Variants in CERS5 observed in about 807,000 individuals in gnomAD.
CERS5 encodes LAG1 homolog, ceramide synthase 5.
CERS5 carries 37 observed loss-of-function variants against 58.9 expected under a neutral mutation model. The observed-to-expected ratio is 0.63, with a 90% CI of 0.48 to 0.83. CERS5 has a LOEUF of 0.83. CERS5 is among the 40% of genes least tolerant of loss of function. CERS5 has a pLI of 0.00. For synonymous variants in CERS5, 147 were observed against 177.8 expected (o/e 0.83, Z 1.38); for missense variants, 398 against 489.3 (o/e 0.81, Z 1.76).
chr12:50,148,531 A>G, intron 1 of CERS5: 1 of 337,456 alleles, frequency 3.0e-6, no homozygotes, highest in East Asian at 1.3e-4. Context: ...CGGGAGACAG[A>G]GGTTGCAGTG....
At chr12:50,154,828 C>T (rs954103750) in intron 1 of CERS5, among the ~76,000 whole-genome samples, 1 of 151,820 alleles carries the variant, frequency 6.6e-6, no homozygotes, top group South Asian at 2.1e-4. Flanking sequence ...CTGCACCTGG[C>T]CTGTTGTTAT....
At chr12:50,154,149 T>C (rs1210458167) in intron 1 of CERS5, 1 of 276,352 alleles carries the variant, frequency 3.6e-6, no homozygotes, top group Non-Finnish European at 7.3e-6. Context: ...GGTCAAGAGA[T>C]CTAGACCATC....
chr12:50,157,385 C>A (rs115796739), intron 1 of CERS5, among the ~76,000 whole-genome samples: 3,011 of 150,568 alleles, frequency 0.02, 101 homozygotes, highest in African/African-American at 0.069. Context: ...GAAAAAAAAA[C>A]AGTAATTACT....
intron 1 of CERS5, among the ~76,000 whole-genome samples, chr12:50,164,773 G>A (rs1275173572): frequency 2.6e-5 from 4 of 152,150 alleles, no homozygotes; most frequent in African/African-American, 9.7e-5. Flanking sequence ...TATGTCTTCA[G>A]CCATCTGAGG....
At chr12:50,149,757 CAG>C (rs1937736539) in intron 1 of CERS5, among the ~76,000 whole-genome samples, 1 of 152,120 alleles carries the variant, frequency 6.6e-6, no homozygotes, top group Admixed American at 6.6e-5. Context: ...TATTTAGAGA[CAG>C]AGTCTCGCTC....
intron 3 of CERS5, among the ~76,000 whole-genome samples, chr12:50,142,459 A>G (rs997151548): frequency 2.0e-5 from 3 of 151,070 alleles, no homozygotes; most frequent in African/African-American, 7.3e-5. Flanking sequence ...CTGAGGCAGG[A>G]GAATCGCTTG....
intron 3 of CERS5, among the ~76,000 whole-genome samples, chr12:50,142,548 C>CAAA (rs55654212): frequency 7.8e-4 from 68 of 86,722 alleles, no homozygotes; most frequent in African/African-American, 2.4e-3. Flanking sequence ...GACTCCGTCT[C>CAAA]AAAAAAAAAA....
chr12:50,167,102 G>T lies in CERS5; in HGVS notation c.196C>A (p.Arg66=). The part of the protein sequence containing the change: ...GIFFVRLLFE[R]FIAKPCALCI... ...AGCCGCTCGCTCCCGGGCTCTCACC[G>T]CTCGAAGAGCAGCCTCACGAAGAAG... The change falls in exon 1 of 10, where the codon CGA becomes AGA. Residue 66 remains arginine (R), a splice_region_variant and synonymous_variant. Coordinates refer to ENST00000317551, the MANE Select transcript of CERS5 (RefSeq NM_147190.5). The T allele has an allele frequency of 6.5e-7, 1 of 1,533,406 alleles. No individual in the cohort carries two copies. Among genetic ancestry groups the T allele is most frequent in the African/African-American group, 1.4e-5 (1 of 71,066 alleles). The allele number at this position is 1,533,406 out of a possible 1,614,324, so 95.0% of individuals were successfully genotyped here. A position where few individuals can be genotyped will look rare whatever the true frequency, so the allele number is the denominator to read the frequency against.
At chr12:50,157,502 C>T (rs1391785282) in intron 1 of CERS5, among the ~76,000 whole-genome samples, 1 of 151,788 alleles carries the variant, frequency 6.6e-6, no homozygotes, top group African/African-American at 2.4e-5. Context: ...CATTAGATAC[C>T]TACAGTTTCA....
intron 1 of CERS5, chr12:50,153,832 T>C (rs997081529): frequency 4.8e-6 from 2 of 413,160 alleles, no homozygotes; most frequent in Non-Finnish European, 4.8e-6. Flanking sequence ...CGCATACCCA[T>C]AATCCCAGCT....
chr12:50,133,265 G>A, intron 9 of CERS5: 8 of 1,106,098 alleles, frequency 7.2e-6, no homozygotes, highest in Non-Finnish European at 8.9e-6. Context: ...TTGGGATTCT[G>A]TATTCCTTTA....
chr12:50,133,290 G>T (rs1256674644), intron 9 of CERS5: 9 of 1,085,930 alleles, frequency 8.3e-6, no homozygotes, highest in Non-Finnish European at 1.0e-5. Context: ...GAAATCCCTA[G>T]CCCTTTGACT....
chr12:50,146,372 T>C (rs1214342169), intron 1 of CERS5, among the ~76,000 whole-genome samples: 1 of 152,202 alleles, frequency 6.6e-6, no homozygotes, highest in Non-Finnish European at 1.5e-5. Context: ...AAGCAAGAAA[T>C]ACTCTTTGAT....
intron 1 of CERS5, chr12:50,165,681 A>G (rs1939807776): frequency 4.7e-6 from 1 of 212,064 alleles, no homozygotes; most frequent in Non-Finnish European, 9.7e-6. Flanking sequence ...AAGCAATCCC[A>G]AACAGATGCT....
chr12:50,137,675 G>C (rs973884680), intron 6 of CERS5, 53 bp downstream of exon 6: 2 of 981,562 alleles, frequency 2.0e-6, no homozygotes, highest in African/African-American at 3.3e-5. Flanking sequence ...CATGGAAGCT[G>C]CTAGAAAGGA....
intron 4 of CERS5, among the ~76,000 whole-genome samples, chr12:50,139,857 A>C (rs1313630794): frequency 6.6e-6 from 1 of 152,112 alleles, no homozygotes; most frequent in Non-Finnish European, 1.5e-5. Context: ...TATTACATTA[A>C]TTTCCACTTA....
intron 2 of CERS5, 82 bp downstream of exon 2, chr12:50,143,870 G>A (rs2138100927): frequency 1.2e-6 from 1 of 827,038 alleles, no homozygotes; most frequent in Non-Finnish European, 2.1e-6. Context: ...CTTACCCTTA[G>A]AGGTACGTGC....
chr12:50,133,899 C>G (rs1469935015), intron 9 of CERS5: 2 of 270,752 alleles, frequency 7.4e-6, no homozygotes, highest in East Asian at 3.6e-4. Flanking sequence ...TAGTGAAACC[C>G]CGTTTCTACT....
chr12:50,134,390 A>C (rs756441696), intron 9 of CERS5, 156 bp downstream of exon 9: 7 of 1,578,242 alleles, frequency 4.4e-6, no homozygotes, highest in Non-Finnish European at 6.0e-6. Flanking sequence ...AAAAAAGGCA[A>C]AACACTTACC....
Sources: allele counts gnomAD v4.1 joint callset (sites outside exome capture counted in the v4.1 genomes callset), GRCh38; gene constraint gnomAD v4.1.1; transcripts MANE v1.5; gene names NCBI Gene and HGNC (gene_info 2026-07-23, HGNC 2026-07-21).